Variants in S100A13 observed in about 807,000 individuals in gnomAD.
The protein encoded by S100A13 is protein S100-A13.
A neutral mutation model predicts 8.2 loss-of-function variants in S100A13; 6 were observed. The observed-to-expected ratio is 0.73, with a 90% confidence interval of 0.40 to 1.44. The LOEUF is 1.44. Among genes scored for constraint, S100A13 ranks in the 40% most tolerant of loss-of-function variants. The pLI, the probability that S100A13 is intolerant of heterozygous loss-of-function variation, is 0.02. For synonymous variants in S100A13, 39 were observed against 45.9 expected (o/e 0.85, Z 0.61); for missense variants, 114 against 113.6 (o/e 1.00, Z -0.02).
intron 2 of S100A13, among the ~76,000 whole-genome samples, chr1:153,621,339 T>C (rs1667233415): frequency 6.6e-6 from 1 of 151,850 alleles, no homozygotes; most frequent in Non-Finnish European, 1.5e-5. Flanking sequence ...CTATTTTTAG[T>C]AGAGATGGGG....
upstream of S100A13, chr1:153,631,320 A>G (rs753614651): frequency 9.8e-5 from 78 of 795,160 alleles, no homozygotes; most frequent in Admixed American, 3.6e-4. Context: ...TAGCTGTGGG[A>G]CTTTGGGCAT....
chr1:153,628,355 G>A (rs1041586672), upstream of S100A13: 23 of 1,539,282 alleles, frequency 1.5e-5, no homozygotes, highest in Admixed American at 4.0e-5. Flanking sequence ...CAGGGTGTTC[G>A]TCTGTGAAGG....
upstream of S100A13, chr1:153,631,236 T>G: frequency 1.9e-6 from 1 of 537,668 alleles, no homozygotes; most frequent in South Asian, 2.4e-5. Context: ...TAAAGAAGCC[T>G]CAGGATACGG....
chr1:153,624,903 C>T (rs535620483), intron 2 of S100A13, among the ~76,000 whole-genome samples: 223 of 152,202 alleles, frequency 1.5e-3, no homozygotes, highest in Middle Eastern at 6.8e-3. Flanking sequence ...AGTGAAACCC[C>T]GTCTCTACTA....
chr1:153,621,772 C>T (rs1038415846), intron 2 of S100A13, among the ~76,000 whole-genome samples: 16 of 151,562 alleles, frequency 1.1e-4, no homozygotes, highest in African/African-American at 3.4e-4. Flanking sequence ...GTTCAAGAAT[C>T]GCTCGAACCC....
chr1:153,629,809 G>A (rs1053635383), upstream of S100A13: 1 of 152,338 alleles, frequency 6.6e-6, no homozygotes, highest in African/African-American at 2.4e-5. Flanking sequence ...CCCACCAGAT[G>A]GAAGGGATAA....
upstream of S100A13, chr1:153,631,522 T>C (rs755793035): frequency 2.5e-6 from 4 of 1,613,614 alleles, no homozygotes; most frequent in South Asian, 4.4e-5. Context: ...GTGAAAGAGC[T>C]TATGCTGTAG....
rs999545150 is a variant in S100A13 at position 153,619,052 on chromosome 1, A to G, written c.154-14T>C. 2 of 1,611,114 alleles carry G rather than the reference A, an allele frequency of 1.2e-6. No homozygotes were observed. Among genetic ancestry groups the G allele is most frequent in the African/African-American group, 2.7e-5 (2 of 74,748 alleles). ...AGAGCCCACATCCTGAGGAGACACC[A>G]AAGGGAAGGGTAGAGTTAGAAACTG... On this transcript the variant is annotated splice_polypyrimidine_tract_variant and intron_variant, in intron 2 of 2. Transcript: ENST00000476133.
chr1:153,628,497 G>GT (rs1557929145), upstream of S100A13: 2 of 1,550,688 alleles, frequency 1.3e-6, no homozygotes, highest in South Asian at 2.4e-5. Flanking sequence ...CAGGCCAACC[G>GT]TGAGTACCCT....
chr1:153,625,736 A>G (rs1466905380), intron 2 of S100A13, among the ~76,000 whole-genome samples: 2 of 152,244 alleles, frequency 1.3e-5, no homozygotes, highest in Non-Finnish European at 2.9e-5. Context: ...AAATTAGACC[A>G]GAAAGGCACA....
At chr1:153,630,194 G>C, upstream of S100A13, 2 of 443,044 alleles carry the variant, frequency 4.5e-6, no homozygotes, top group East Asian at 3.4e-5. Flanking sequence ...CTCAATCCCT[G>C]CCTGGGCAGC....
intron 2 of S100A13, among the ~76,000 whole-genome samples, chr1:153,622,561 C>T (rs951357011): frequency 6.6e-6 from 1 of 152,136 alleles, no homozygotes. Context: ...CCTGTAATCC[C>T]AACACTTTGG....
At chr1:153,628,388 G>T, upstream of S100A13, 1 of 1,549,012 alleles carries the variant, frequency 6.5e-7, no homozygotes, top group Non-Finnish European at 8.7e-7. Context: ...GGGGGGGTCA[G>T]CGGGGGAGGG....
At chr1:153,631,253 G>C (rs951930431), upstream of S100A13, 1 of 579,708 alleles carries the variant, frequency 1.7e-6, no homozygotes, top group Non-Finnish European at 3.0e-6. Flanking sequence ...ACGGTAGAAA[G>C]TGCACCGGTT....
Position 153,626,337 on chromosome 1 carries a change from A to G in S100A13, c.136T>C (p.Leu46=), listed in dbSNP as rs778131659. The G allele has an allele frequency of 6.2e-7, 1 of 1,614,150 alleles. No individual in the cohort carries two copies. The highest frequency in any genetic ancestry group is 1.1e-5 in the South Asian group (1 of 91,086). The change falls in exon 2 of 3, where the codon TTG becomes CTG. Residue 46 remains leucine (L), a synonymous_variant. Coordinates refer to ENST00000476133, the MANE Select transcript of S100A13 (RefSeq NM_001024211.2). ...NEFKELVTQQ[L]PHLLKDVGSL... ...CTGCCTACCTTGAGCAGATGGGGCA[A>G]CTGCTGGGTAACCAGCTCTTTGAAC...
At chr1:153,629,645 A>C (rs1667894647), upstream of S100A13, 1 of 152,478 alleles carries the variant, frequency 6.6e-6, no homozygotes, top group African/African-American at 2.4e-5. Context: ...CTCTCCCCCA[A>C]CACACAGCAG....
chr1:153,630,398 C>T, upstream of S100A13: 1 of 1,341,292 alleles, frequency 7.5e-7, no homozygotes, highest in Non-Finnish European at 1.0e-6. Flanking sequence ...GGGCTCTAAT[C>T]CCACAGCTAT....
chr1:153,628,877 G>A (rs914578797), upstream of S100A13: 7 of 223,662 alleles, frequency 3.1e-5, no homozygotes, highest in Admixed American at 5.0e-5. Context: ...GGTAAGAAGA[G>A]AGCAGATACA....
Position 153,619,043 on chromosome 1 carries a change from G to C in S100A13, c.154-5C>G. 5 of 1,612,940 alleles carry C rather than the reference G, an allele frequency of 3.1e-6. No homozygotes were observed. Among genetic ancestry groups the C allele is most frequent in the Non-Finnish European group, 4.2e-6 (5 of 1,179,380 alleles). On this transcript the variant is annotated splice_region_variant and splice_polypyrimidine_tract_variant and intron_variant, in intron 2 of 2. Transcript: ENST00000476133. ...CTCATCAAGAGAGCCCACATCCTGA[G>C]GAGACACCAAAGGGAAGGGTAGAGT... is the stretch of plus-strand genomic sequence containing the variant.
Sources: allele counts gnomAD v4.1 joint callset (sites outside exome capture counted in the v4.1 genomes callset), GRCh38; gene constraint gnomAD v4.1.1; transcripts MANE v1.5; gene names NCBI Gene and HGNC (gene_info 2026-07-23, HGNC 2026-07-21).